Variants in ETNK1 observed in about 807,000 individuals in gnomAD.
ETNK1 encodes the protein putative protein product of Nbla10396.
ETNK1 carries 8 observed loss-of-function variants against 45.1 expected under a neutral mutation model. The observed-to-expected ratio is 0.18, with a 90% CI of 0.10 to 0.32. The LOEUF (loss-of-function observed/expected upper bound fraction) is 0.32. ETNK1 is among the 10% of genes least tolerant of loss of function. The pLI is 1.00. For missense variants in ETNK1, 302 were observed against 430.6 expected, an observed-to-expected ratio of 0.70 and a Z score of 2.64; for synonymous variants, 152 against 151.9, an observed-to-expected ratio of 1.00 and a Z score of -0.01.
chr12:22,636,678 A>G (rs1953659384), intron 1 of ETNK1, among the ~76,000 whole-genome samples: 1 of 152,090 alleles, frequency 6.6e-6, no homozygotes, highest in Non-Finnish European at 1.5e-5. Flanking sequence ...ATATTAAGAG[A>G]AAAAAAAGAT....
chr12:22,647,825 T>G (rs897522524), intron 2 of ETNK1, among the ~76,000 whole-genome samples: 37 of 151,932 alleles, frequency 2.4e-4, no homozygotes, highest in African/African-American at 8.9e-4. Flanking sequence ...TCTGAAGCCT[T>G]GAGGGTTTGA....
At chr12:22,658,912 A>T in intron 2 of ETNK1, 102 bp from the exon 3 acceptor site, 1 of 1,219,982 alleles carries the variant, frequency 8.2e-7, no homozygotes, top group Middle Eastern at 2.5e-4. Flanking sequence ...GTCTACAAGA[A>T]GATTCGGGAG....
intron 1 of ETNK1, among the ~76,000 whole-genome samples, chr12:22,630,771 C>T (rs1392246961): frequency 6.6e-6 from 1 of 151,824 alleles, no homozygotes; most frequent in Admixed American, 6.6e-5. Context: ...CCACCATGCT[C>T]AGCTAATTTT....
At chr12:22,684,671 C>G (rs1350980246) in intron 7 of ETNK1, 115 bp downstream of exon 7, 4 of 810,216 alleles carry the variant, frequency 4.9e-6, no homozygotes, top group Admixed American at 2.8e-5. Flanking sequence ...GTTGTATACA[C>G]TTAGTAATTG....
chr12:22,646,242 G>T (rs1354192706), intron 2 of ETNK1, among the ~76,000 whole-genome samples: 1 of 151,808 alleles, frequency 6.6e-6, no homozygotes, highest in African/African-American at 2.4e-5. Context: ...AATATGAAAA[G>T]AAAAGCTAAG....
rs1316938093 is a variant in ETNK1, at chr12:22,656,795, A to T, written c.417-2219A>T. Reference sequence around the variant, plus strand: ...TTTTTCATTTATTTAAAAAAACCACAGCAAATAAAATCTGTTAGAGTTAAA... The same window carrying T: ...TTTTTCATTTATTTAAAAAAACCACTGCAAATAAAATCTGTTAGAGTTAAA... On this transcript the variant is annotated intron_variant, in intron 2 of 7. Coordinates refer to ENST00000266517, the MANE Select transcript of ETNK1 (RefSeq NM_018638.5). The T allele has an allele frequency of 1.6e-5, 16 of 982,586 alleles. No homozygotes were observed. In the African/African-American group the frequency reaches 2.8e-4, roughly 17 times the overall value. The allele number at this position is 982,586 out of a possible 1,614,324, so 60.9% of individuals were successfully genotyped here.
At chr12:22,652,487 G>C (rs569622174) in intron 2 of ETNK1, among the ~76,000 whole-genome samples, 1 of 152,272 alleles carries the variant, frequency 6.6e-6, no homozygotes, top group African/African-American at 2.4e-5. Flanking sequence ...GTGCACAAGG[G>C]CACCAGTTTC....
chr12:22,644,913 T>A (rs931187632), intron 2 of ETNK1, among the ~76,000 whole-genome samples: 4 of 151,938 alleles, frequency 2.6e-5, no homozygotes, highest in African/African-American at 9.7e-5. Context: ...GATCATAGGT[T>A]AAGAATTGCT....
rs1954285213 is a variant in ETNK1, at chr12:22,689,350, T to C, written c.*4396T>C. On this transcript the variant is annotated 3_prime_UTR_variant, in exon 8 of 8. Coordinates refer to ENST00000266517, the MANE Select transcript of ETNK1 (RefSeq NM_018638.5). ...TCTCTTCTATACTTTATGCACTTAC[T>C]ATACTACTGATGTAATAAAAGAGCA... 1 of 152,006 alleles carries C rather than the reference T, an allele frequency of 6.6e-6. No homozygotes were observed. The highest frequency in any genetic ancestry group is 1.5e-5 in the Non-Finnish European group (1 of 67,858). 9.4% of individuals were successfully genotyped at this position (152,006 alleles called of 1,614,324 possible).
intron 4 of ETNK1, among the ~76,000 whole-genome samples, chr12:22,666,909 A>G (rs371058878): frequency 1.3e-5 from 2 of 152,160 alleles, no homozygotes; most frequent in East Asian, 1.9e-4. Context: ...TGTAGTTGTC[A>G]TGTTACTCAT....
intron 4 of ETNK1, among the ~76,000 whole-genome samples, chr12:22,664,234 C>T (rs1313829492): frequency 6.6e-6 from 1 of 151,702 alleles, no homozygotes; most frequent in Non-Finnish European, 1.5e-5. Flanking sequence ...TATATGTTTG[C>T]ATTTAATATG....
rs140244283 is a variant in ETNK1 at position 22,658,676 on chromosome 12, C to T, written c.417-338C>T. ...GGAATGTATACCCAAGGAGCAGGGT[C>T]GGGGTTGGCGGATGGAAAATTAAGA... On this transcript the variant is annotated intron_variant, in intron 2 of 7. Transcript: ENST00000266517. Among the ~76,000 whole-genome samples, 11 of 152,138 alleles carry T rather than the reference C, an allele frequency of 7.2e-5. No individual in the cohort carries two copies. The East Asian group carries it at 1.2e-3, about 16-fold the overall frequency.
intron 6 of ETNK1, among the ~76,000 whole-genome samples, chr12:22,674,856 C>T (rs1417314032): frequency 6.6e-6 from 1 of 152,034 alleles, no homozygotes; most frequent in Non-Finnish European, 1.5e-5. Flanking sequence ...TGAAAAATAC[C>T]TTTGCTTCTG....
intron 4 of ETNK1, among the ~76,000 whole-genome samples, chr12:22,665,571 C>T (rs1954045899): frequency 6.6e-6 from 1 of 152,060 alleles, no homozygotes; most frequent in African/African-American, 2.4e-5. Flanking sequence ...AACTTTTAGG[C>T]ATTGTGGGCT....
In ETNK1 at chr12:22,673,647, A is replaced by T; in HGVS notation, c.932A>T (p.Asn311Ile). The T allele has an allele frequency of 1.2e-6, 2 of 1,613,078 alleles. No individual in the cohort carries two copies. Among genetic ancestry groups the T allele is most frequent in the Non-Finnish European group, 1.7e-6 (2 of 1,179,438 alleles). The change falls in exon 6 of 8, where the codon AAT (asparagine) becomes ATT (isoleucine). Residue 311 changes from asparagine to isoleucine, a missense_variant. Transcript: ENST00000266517. ...GTAGAAATACTCTTCATTCAAGTCA[A>T]TCAGTTTGCATTGGTAAGTTTAAAT... ...KEVEILFIQV[N>I]QFALASHFFW...
rs933375459 is a variant in ETNK1, at chr12:22,667,825, CATT to C, written c.701-3440_701-3438del. On this transcript the variant is annotated intron_variant, in intron 4 of 7. Transcript: ENST00000266517. ...GATAATTATATAGCCTTGGGTAATA[CATT>C]ATTATTTTTTAGTTTTAAAGTACTT... 5.3e-5 allele frequency among the ~76,000 whole-genome samples: 8 copies of C among 151,974 alleles called. No homozygotes were observed. The South Asian group carries it at 6.2e-4, about 12-fold the overall frequency.
rs746397261 is a variant in ETNK1, at chr12:22,631,088, G to C, written c.156+5502G>C. Among the ~76,000 whole-genome samples, 177 of 152,156 alleles carry C rather than the reference G, an allele frequency of 1.2e-3. 1 individual carries two copies. Among genetic ancestry groups the C allele is most frequent in the Non-Finnish European group, 2.1e-3 (143 of 68,014 alleles). On this transcript the variant is annotated intron_variant, in intron 1 of 7. Coordinates refer to ENST00000266517, the MANE Select transcript of ETNK1 (RefSeq NM_018638.5). ...GGATGCCAAATCAATATAGTGTCTTGAGACCATTACAGTTTAAAAAGATGA... is the reference window on the plus strand; with the variant it reads ...GGATGCCAAATCAATATAGTGTCTTCAGACCATTACAGTTTAAAAAGATGA...
At chr12:22,674,768 T>A (rs951148291) in intron 6 of ETNK1, among the ~76,000 whole-genome samples, 1 of 152,240 alleles carries the variant, frequency 6.6e-6, no homozygotes, top group African/African-American at 2.4e-5. Context: ...ATTAGAAAGC[T>A]GATTTGGATT....
chr12:22,632,502 T>C (rs564034623), intron 1 of ETNK1, among the ~76,000 whole-genome samples: 1 of 151,638 alleles, frequency 6.6e-6, no homozygotes, highest in Non-Finnish European at 1.5e-5. Flanking sequence ...ATTTATTATT[T>C]TTTAAATTTT....
Sources: gnomAD v4.1 joint callset for allele counts (sites outside exome capture counted in the v4.1 genomes callset) on GRCh38, gnomAD v4.1.1 for gene constraint, MANE v1.5 for transcripts, NCBI Gene and HGNC (gene_info 2026-07-23, HGNC 2026-07-21) for gene names.